CADPS2: variants seen among roughly 807,000 people sequenced by gnomAD.
CADPS2 encodes the protein calcium dependent secretion activator 2, also known as calcium-dependent secretion activator 2.
Under a neutral mutation model 172.5 loss-of-function variants are expected in CADPS2, and 93 were observed. The observed-to-expected ratio is 0.54, with a 90% CI of 0.46 to 0.64. The LOEUF (loss-of-function observed/expected upper bound fraction) is 0.64, where lower values mean the gene tolerates loss of function less well. Among genes scored for constraint, CADPS2 ranks in the 30% least tolerant of loss-of-function variants. The probability of loss-of-function intolerance (pLI) is 0.00; values close to 1 mark genes in which losing one functional copy is unlikely to be tolerated. For missense variants in CADPS2, 1,420 were observed against 1,565.9 expected, an observed-to-expected ratio of 0.91 and a Z score of 1.57; for synonymous variants, 546 against 555.2, an observed-to-expected ratio of 0.98 and a Z score of 0.23.
At chr7:122,813,926 A>G (rs1278801429) in intron 1 of CADPS2, among the ~76,000 whole-genome samples, 3 of 152,062 alleles carry the variant, frequency 2.0e-5, no homozygotes, top group Non-Finnish European at 4.4e-5. Context: ...GCTGAGTGAA[A>G]GTTTTAAGGT....
chr7:122,446,039 T>C (rs958289474), intron 15 of CADPS2, among the ~76,000 whole-genome samples: 1 of 152,214 alleles, frequency 6.6e-6, no homozygotes, highest in African/African-American at 2.4e-5. Context: ...AGAGCAGACA[T>C]CCTTGCCTTT....
At chr7:122,481,044 A>G (rs1486127498) in intron 11 of CADPS2, among the ~76,000 whole-genome samples, 184 bp from the exon 12 acceptor site, 1 of 152,128 alleles carries the variant, frequency 6.6e-6, no homozygotes, top group African/African-American at 2.4e-5. Context: ...TGGAGGGAGG[A>G]AAATACTATG....
intron 9 of CADPS2, among the ~76,000 whole-genome samples, chr7:122,492,203 AATT>A (rs2058357558): frequency 2.0e-5 from 3 of 151,686 alleles, no homozygotes; most frequent in African/African-American, 4.8e-5. Flanking sequence ...TAAATAAATT[AATT>A]AATTAATTAA....
Position 122,407,588 on chromosome 7 carries a change from C to T in CADPS2, c.2698G>A (p.Asp900Asn). The change falls in exon 20 of 30, where the codon GAT becomes AAT. Residue 900 changes from aspartate to asparagine, a missense_variant. Transcript: ENST00000449022. Reference sequence around the variant, plus strand: ...AGCAGTTGGAAAAGAGGAAAACTATCCCAGGAGTCTTGCGGTTGAGCCTCT... The same window carrying T: ...AGCAGTTGGAAAAGAGGAAAACTATTCCAGGAGTCTTGCGGTTGAGCCTCT... ...ALEAQPQDSW[D>N]SFPLFQLLNN... The T allele has an allele frequency of 1.9e-6, 3 of 1,612,232 alleles. No homozygotes were observed. The highest frequency in any genetic ancestry group is 2.7e-5 in the African/African-American group (2 of 75,004).
At chr7:122,524,927 T>C (rs767536846) in intron 8 of CADPS2, among the ~76,000 whole-genome samples, 14 of 152,032 alleles carry the variant, frequency 9.2e-5, no homozygotes, top group Non-Finnish European at 1.6e-4. Flanking sequence ...GGTAGGCGGA[T>C]TGTTGAGCCA....
chr7:122,736,890 AT>A lies in CADPS2; in HGVS notation c.453+64del, dbSNP rs149527666. ...CAAGCTTCTTTAAAATGAGAAACCC[AT>A]AAAAATAATAAAACTCCTTTTAAAA... On this transcript the variant is annotated intron_variant, in intron 2 of 29. Transcript: ENST00000449022. 1,465 of 837,792 alleles carry A rather than the reference AT, an allele frequency of 1.7e-3. 11 individuals carry two copies. The African/African-American group carries it at 0.023, about 13-fold the overall frequency. The allele number at this position is 837,792 out of a possible 1,614,324, so 51.9% of individuals were successfully genotyped here. A position where few individuals can be genotyped will look rare whatever the true frequency, so the allele number is the denominator to read the frequency against.
chr7:122,865,948 G>C (rs1224016890), intron 1 of CADPS2, among the ~76,000 whole-genome samples: 1 of 152,198 alleles, frequency 6.6e-6, no homozygotes, highest in African/African-American at 2.4e-5. Flanking sequence ...TAAAGTCTAA[G>C]AAGAATGAAT....
chr7:122,705,754 A>C (rs1161578084), intron 2 of CADPS2, among the ~76,000 whole-genome samples: 2 of 5,602 alleles, frequency 3.6e-4, no homozygotes, highest in Non-Finnish European at 4.2e-4. Flanking sequence ...TAATATATAT[A>C]ATATATAATA....
intron 5 of CADPS2, among the ~76,000 whole-genome samples, chr7:122,619,325 T>G (rs1255342288): frequency 1.3e-5 from 2 of 152,102 alleles, no homozygotes; most frequent in African/African-American, 4.8e-5. Flanking sequence ...ATTTTTTTCA[T>G]CAATAAATTT....
intron 3 of CADPS2, among the ~76,000 whole-genome samples, chr7:122,653,142 C>T (rs2079358114): frequency 6.6e-6 from 1 of 152,162 alleles, no homozygotes; most frequent in African/African-American, 2.4e-5. Context: ...CCAGAGATTG[C>T]CTGGCTGCTG....
At chr7:122,545,720 A>C (rs1587090727) in intron 8 of CADPS2, among the ~76,000 whole-genome samples, 2 of 152,154 alleles carry the variant, frequency 1.3e-5, no homozygotes, top group South Asian at 4.1e-4. Flanking sequence ...AGAGAGATAG[A>C]GATTAACTAA....
chr7:122,546,088 G>C (rs752910493), intron 8 of CADPS2, among the ~76,000 whole-genome samples: 1 of 152,116 alleles, frequency 6.6e-6, no homozygotes, highest in Non-Finnish European at 1.5e-5. Context: ...TGAATACTTA[G>C]AAATATAATG....
chr7:122,536,037 G>T (rs888722406), intron 8 of CADPS2, among the ~76,000 whole-genome samples: 2 of 152,002 alleles, frequency 1.3e-5, no homozygotes, highest in African/African-American at 4.8e-5. Flanking sequence ...GCATGACAAG[G>T]CATCCTTATA....
intron 1 of CADPS2, among the ~76,000 whole-genome samples, chr7:122,773,172 C>T (rs2093756599): frequency 6.6e-6 from 1 of 151,748 alleles, no homozygotes; most frequent in Non-Finnish European, 1.5e-5. Flanking sequence ...ATTAAATGAA[C>T]AAAGATTTGA....
At chr7:122,717,340 G>GT (rs1341453890) in intron 2 of CADPS2, among the ~76,000 whole-genome samples, 1 of 151,980 alleles carries the variant, frequency 6.6e-6, no homozygotes, top group Non-Finnish European at 1.5e-5. Flanking sequence ...TAAATTGAGG[G>GT]TAAAAACACA....
intron 9 of CADPS2, among the ~76,000 whole-genome samples, chr7:122,509,825 T>A (rs2059891207): frequency 6.6e-6 from 1 of 152,150 alleles, no homozygotes; most frequent in Admixed American, 6.6e-5. Context: ...GGGCTTATTC[T>A]GATAAGATAA....
At chr7:122,431,671 A>T (rs2151896445) in intron 17 of CADPS2, among the ~76,000 whole-genome samples, 1 of 152,238 alleles carries the variant, frequency 6.6e-6, no homozygotes, top group South Asian at 2.1e-4. Context: ...TTCTGAGAAG[A>T]AGTAATAATA....
chr7:122,653,086 C>A (rs562017263), intron 3 of CADPS2, among the ~76,000 whole-genome samples: 28 of 152,144 alleles, frequency 1.8e-4, no homozygotes, highest in Non-Finnish European at 3.5e-4. Flanking sequence ...ATGTGGCAGC[C>A]CTGGCAAGGC....
chr7:122,535,737 T>G (rs1408903143), intron 8 of CADPS2, among the ~76,000 whole-genome samples: 2 of 152,024 alleles, frequency 1.3e-5, no homozygotes, highest in Non-Finnish European at 2.9e-5. Flanking sequence ...TAAAGCCTAA[T>G]GGCAAGAGTT....
Sources: gnomAD v4.1 joint callset for allele counts (sites outside exome capture counted in the v4.1 genomes callset) on GRCh38, gnomAD v4.1.1 for gene constraint, MANE v1.5 for transcripts, NCBI Gene and HGNC (gene_info 2026-07-23, HGNC 2026-07-21) for gene names.